NTN4: variants seen among roughly 807,000 people sequenced by gnomAD.
NTN4 encodes netrin 4.
Under a neutral mutation model 73.6 loss-of-function variants are expected in NTN4, and 32 were observed. That is an observed-to-expected ratio of 0.44 (90% CI 0.33 to 0.58). The LOEUF (loss-of-function observed/expected upper bound fraction) is 0.58. Among genes scored for constraint, NTN4 ranks in the 20% least tolerant of loss-of-function variants. The pLI is 0.04. For missense variants in NTN4, 654 were observed against 798.3 expected (o/e 0.82, Z 2.18); for synonymous variants, 258 against 287.5 (o/e 0.90, Z 1.04).
At chr12:95,683,458 G>A (rs773758528) in intron 6 of NTN4, 40 bp downstream of exon 6, 2 of 1,574,570 alleles carry the variant, frequency 1.3e-6, no homozygotes, top group South Asian at 2.2e-5. Flanking sequence ...AAAAGAGCCT[G>A]AAATACATGC....
intron 2 of NTN4, among the ~76,000 whole-genome samples, chr12:95,756,069 A>G (rs550838916): frequency 5.9e-4 from 90 of 152,360 alleles, no homozygotes; most frequent in African/African-American, 2.0e-3. Context: ...CCAAGTGTCA[A>G]TCAATAGGTT....
At chr12:95,692,221 A>G (rs1420311488) in intron 5 of NTN4, among the ~76,000 whole-genome samples, 2 of 152,060 alleles carry the variant, frequency 1.3e-5, no homozygotes, top group African/African-American at 4.8e-5. Flanking sequence ...TTTTTAGTGG[A>G]GATGGGGTTT....
chr12:95,688,547 T>A (rs1485351945), intron 5 of NTN4, among the ~76,000 whole-genome samples: 1 of 152,104 alleles, frequency 6.6e-6, no homozygotes, highest in Non-Finnish European at 1.5e-5. Context: ...CTTAAATATA[T>A]CCTGGAAACA....
At chr12:95,778,967 A>T (rs1356599569) in intron 2 of NTN4, among the ~76,000 whole-genome samples, 1 of 152,226 alleles carries the variant, frequency 6.6e-6, no homozygotes, top group Non-Finnish European at 1.5e-5. Flanking sequence ...ACCATGATCA[A>T]GTGAGCTTCA....
At chr12:95,673,262 G>C (rs2078248129) in intron 7 of NTN4, 1 of 371,930 alleles carries the variant, frequency 2.7e-6, no homozygotes, top group East Asian at 6.9e-5. Flanking sequence ...ATTCATTCTA[G>C]TCAGAATAGC....
chr12:95,733,207 A>G (rs1244701133), intron 3 of NTN4, among the ~76,000 whole-genome samples: 1 of 152,254 alleles, frequency 6.6e-6, no homozygotes, highest in Non-Finnish European at 1.5e-5. Flanking sequence ...ACAGCTGTAA[A>G]ATCACCAGCT....
chr12:95,683,383 G>A, intron 6 of NTN4, 115 bp downstream of exon 6: 1 of 966,996 alleles, frequency 1.0e-6, no homozygotes, highest in South Asian at 1.6e-5. Flanking sequence ...CTTTAAAAGA[G>A]ATGTGCAAAT....
chr12:95,684,916 C>T (rs747327457), intron 5 of NTN4, among the ~76,000 whole-genome samples: 44 of 152,272 alleles, frequency 2.9e-4, no homozygotes, highest in Admixed American at 1.2e-3. Context: ...TTGTTCCAGG[C>T]TGGAATGCAG....
intron 2 of NTN4, among the ~76,000 whole-genome samples, chr12:95,764,531 G>T (rs761927362): frequency 7.9e-5 from 12 of 152,116 alleles, no homozygotes; most frequent in Admixed American, 5.2e-4. Context: ...TGTGCATGGC[G>T]TCAGGCACCT....
Position 95,787,446 on chromosome 12 carries a change from CACTCCAGCT to C in NTN4, c.69_77del (p.Ala24_Val26del), listed in dbSNP as rs766480574. ...TGCAGGCTTTTTCACAGCGGGAACTCACTCCAGCTACTCCACTCAGTCCTAAGAAAGGGA... is the reference window on the plus strand; with the variant it reads ...TGCAGGCTTTTTCACAGCGGGAACTCACTCCACTCAGTCCTAAGAAAGGGA... On this transcript the variant is annotated inframe_deletion, in exon 2 of 10. Transcript: ENST00000343702. 2 of 1,613,982 alleles carry C rather than the reference CACTCCAGCT, an allele frequency of 1.2e-6. No homozygotes were observed. The highest frequency in any genetic ancestry group is 1.7e-6 in the Non-Finnish European group (2 of 1,179,970).
intron 9 of NTN4, 65 bp downstream of exon 9, chr12:95,665,745 T>C: frequency 3.1e-6 from 4 of 1,304,718 alleles, no homozygotes; most frequent in Non-Finnish European, 4.3e-6. Context: ...CTTCAGAGGA[T>C]GTAAGACAAG....
chr12:95,768,922 G>A (rs2121264312), intron 2 of NTN4, among the ~76,000 whole-genome samples: 1 of 152,268 alleles, frequency 6.6e-6, no homozygotes, highest in East Asian at 1.9e-4. Flanking sequence ...GAAACTCTCA[G>A]CTTTTTGCTT....
At chr12:95,673,389 G>C (rs939221918) in intron 7 of NTN4, 1 of 241,220 alleles carries the variant, frequency 4.1e-6, no homozygotes, top group African/African-American at 2.3e-5. Flanking sequence ...ACTTGTGGGG[G>C]AGGAACCATG....
chr12:95,778,003 A>G (rs934095880), intron 2 of NTN4, among the ~76,000 whole-genome samples: 2 of 152,220 alleles, frequency 1.3e-5, no homozygotes, highest in Non-Finnish European at 2.9e-5. Context: ...CAGAATTAAG[A>G]AACTCACTCA....
intron 3 of NTN4, among the ~76,000 whole-genome samples, chr12:95,722,729 C>G (rs915949531): frequency 2.0e-5 from 3 of 152,140 alleles, no homozygotes; most frequent in African/African-American, 7.2e-5. Flanking sequence ...AATCCCAGCA[C>G]TTTGGGAGGC....
chr12:95,697,074 C>T (rs1241347815), intron 5 of NTN4, among the ~76,000 whole-genome samples: 1 of 151,588 alleles, frequency 6.6e-6, no homozygotes, highest in Admixed American at 6.6e-5. Flanking sequence ...ACTCGAGAGG[C>T]TGAGATGGGA....
intron 5 of NTN4, among the ~76,000 whole-genome samples, chr12:95,698,893 CT>C (rs1052751916): frequency 6.6e-6 from 1 of 151,632 alleles, no homozygotes; most frequent in Admixed American, 6.6e-5. Flanking sequence ...CGTAGCTTCT[CT>C]TTTTTTGATG....
At chr12:95,734,314 T>C (rs1198217056) in intron 3 of NTN4, among the ~76,000 whole-genome samples, 1 of 152,190 alleles carries the variant, frequency 6.6e-6, no homozygotes, top group Non-Finnish European at 1.5e-5. Context: ...TTTCAAACTT[T>C]AGCAAGCATT....
At chr12:95,672,342 A>G (rs899108961) in intron 7 of NTN4, 1 of 792,498 alleles carries the variant, frequency 1.3e-6, no homozygotes, top group Non-Finnish European at 2.3e-6. Flanking sequence ...CAGCATGGAG[A>G]GTGCATGGAA....
Sources: gnomAD v4.1 joint callset for allele counts (sites outside exome capture counted in the v4.1 genomes callset) on GRCh38, gnomAD v4.1.1 for gene constraint, MANE v1.5 for transcripts, NCBI Gene and HGNC (gene_info 2026-07-23, HGNC 2026-07-21) for gene names.